Variants in OPHN1 observed in about 807,000 individuals in gnomAD.
The protein encoded by OPHN1 is oligophrenin-1.
Under a neutral mutation model 60.7 loss-of-function variants are expected in OPHN1, and 11 were observed. The ratio of observed to expected loss-of-function variants is 0.18; its 90% CI spans 0.11 to 0.30. OPHN1 has a LOEUF of 0.30. Ranked by LOEUF, OPHN1 falls within the 10% of genes least tolerant of loss-of-function variation. OPHN1 has a pLI of 1.00. For missense variants in OPHN1, 449 were observed against 611.0 expected (o/e 0.73, Z 2.80); for synonymous variants, 226 against 222.6 (o/e 1.02, Z -0.14).
intron 15 of OPHN1, among the ~76,000 whole-genome samples, chrX:68,168,136 C>G (rs371895709): frequency 9.0e-6 from 1 of 110,706 alleles, no homozygotes; most frequent in African/African-American, 3.3e-5. Flanking sequence ...TTGAACTCAG[C>G]TCTGCACCAA....
chrX:68,210,307 CATT>C (rs781519477), intron 8 of OPHN1, 25 bp from the exon 9 acceptor site: 11 of 1,184,236 alleles, frequency 9.3e-6, no homozygotes, highest in Middle Eastern at 2.3e-4. Context: ...TCATGAAAAT[CATT>C]ATTATCATCA....
intron 21 of OPHN1, among the ~76,000 whole-genome samples, chrX:68,056,688 A>G (rs1413638376): frequency 9.0e-6 from 1 of 111,454 alleles, no homozygotes; most frequent in Admixed American, 9.6e-5. Context: ...TAATGTTTAC[A>G]ATAAGCTTGA....
At chrX:68,237,753 C>CTG (rs942550208) in intron 5 of OPHN1, among the ~76,000 whole-genome samples, 8 of 110,231 alleles carry the variant, frequency 7.3e-5, no homozygotes, top group Non-Finnish European at 1.1e-4. Flanking sequence ...TTCATTAGTT[C>CTG]TGTGTGTGTG....
At chrX:68,257,830 T>C (rs1314348178) in intron 5 of OPHN1, among the ~76,000 whole-genome samples, 1 of 110,891 alleles carries the variant, frequency 9.0e-6, no homozygotes, top group African/African-American at 3.3e-5. Context: ...ATCCCCAAAT[T>C]ACAATCCAAT....
At chrX:68,414,911 C>A (rs1811139568) in intron 2 of OPHN1, among the ~76,000 whole-genome samples, 2 of 112,149 alleles carry the variant, frequency 1.8e-5, no homozygotes, top group South Asian at 7.4e-4. Flanking sequence ...CCCAAATGTT[C>A]TTTAGGTGCA....
chrX:68,110,438 T>G (rs2147427413), intron 18 of OPHN1, among the ~76,000 whole-genome samples: 1 of 111,522 alleles, frequency 9.0e-6, no homozygotes, highest in African/African-American at 3.3e-5. Context: ...AGTCCTTGGG[T>G]CTCGTCACAT....
intron 2 of OPHN1, among the ~76,000 whole-genome samples, chrX:68,427,880 C>T: frequency 9.1e-6 from 1 of 110,340 alleles, no homozygotes; most frequent in Admixed American, 9.7e-5. Context: ...CCTGTAATCC[C>T]AGCACTTTGG....
At chrX:68,068,173 T>C (rs1238630569) in intron 20 of OPHN1, among the ~76,000 whole-genome samples, 2 of 111,047 alleles carry the variant, frequency 1.8e-5, no homozygotes, top group East Asian at 5.7e-4. Context: ...GGTGGGAAAG[T>C]AAAATGGTGC....
chrX:68,047,591 A>T (rs1437905022), intron 24 of OPHN1, among the ~76,000 whole-genome samples: 1 of 111,508 alleles, frequency 9.0e-6, no homozygotes, highest in Non-Finnish European at 1.9e-5. Context: ...ACAGGGAAAA[A>T]AAGAAGGTTA....
chrX:68,334,101 T>TTG (rs1197248720), intron 2 of OPHN1, among the ~76,000 whole-genome samples: 1 of 110,159 alleles, frequency 9.1e-6, no homozygotes, highest in African/African-American at 3.3e-5. Flanking sequence ...TTTCGCCATG[T>TTG]TGTCCAGGCT....
At chrX:68,076,506 A>G (rs1045032449) in intron 19 of OPHN1, among the ~76,000 whole-genome samples, 2 of 111,800 alleles carry the variant, frequency 1.8e-5, no homozygotes. Flanking sequence ...CTCTAGACCC[A>G]GAGAGTTTAG....
intron 20 of OPHN1, among the ~76,000 whole-genome samples, chrX:68,067,728 T>C (rs2076918238): frequency 9.1e-6 from 1 of 110,427 alleles, no homozygotes; most frequent in Non-Finnish European, 1.9e-5. Flanking sequence ...CAGGGCTTAG[T>C]TATGGAGGTG....
intron 2 of OPHN1, among the ~76,000 whole-genome samples, chrX:68,363,523 G>A (rs1257662412): frequency 9.1e-6 from 1 of 110,078 alleles, no homozygotes; most frequent in Non-Finnish European, 1.9e-5. Flanking sequence ...TGTTGGCCAG[G>A]CTGGTCTCAA....
intron 9 of OPHN1, 149 bp downstream of exon 9, chrX:68,210,004 T>G: frequency 1.8e-6 from 1 of 548,570 alleles, no homozygotes; most frequent in Non-Finnish European, 3.0e-6. Context: ...TTTTTTTTTT[T>G]TGTTTTCAGT....
At chrX:68,232,032 G>T (rs2077731286) in intron 6 of OPHN1, among the ~76,000 whole-genome samples, 2 of 111,739 alleles carry the variant, frequency 1.8e-5, no homozygotes, top group African/African-American at 3.3e-5. Context: ...TTAATTTTCT[G>T]TAAACCTAAA....
At chrX:68,110,739 C>T (rs1041392869) in intron 18 of OPHN1, among the ~76,000 whole-genome samples, 4 of 112,457 alleles carry the variant, frequency 3.6e-5, no homozygotes, top group Admixed American at 1.9e-4. Flanking sequence ...GCTCAAATTG[C>T]AAACACTGGC....
chrX:68,332,536 A>G (rs2078300999), intron 2 of OPHN1, among the ~76,000 whole-genome samples: 1 of 112,034 alleles, frequency 8.9e-6, no homozygotes, highest in East Asian at 2.8e-4. Flanking sequence ...TTGGGTATTT[A>G]ATCTGCCTTG....
At chrX:68,166,616 T>C (rs766096967) in intron 15 of OPHN1, among the ~76,000 whole-genome samples, 2 of 111,836 alleles carry the variant, frequency 1.8e-5, no homozygotes, top group South Asian at 7.5e-4. Flanking sequence ...ACTGGAAGAA[T>C]CATATACCTG....
chrX:68,287,108 G>GA (rs775813135), intron 3 of OPHN1, among the ~76,000 whole-genome samples: 10 of 76,571 alleles, frequency 1.3e-4, no homozygotes, highest in Admixed American at 4.6e-4. Flanking sequence ...AAGAAAGGAA[G>GA]AAAAAAAAGA....
Sources: allele counts gnomAD v4.1 joint callset (sites outside exome capture counted in the v4.1 genomes callset), GRCh38; gene constraint gnomAD v4.1.1; transcripts MANE v1.5; gene names NCBI Gene and HGNC (gene_info 2026-07-23, HGNC 2026-07-21).